Variants in SUGCT observed in about 807,000 individuals in gnomAD.
The protein encoded by SUGCT is succinyl-CoA:glutarate CoA-transferase.
SUGCT carries 41 observed loss-of-function variants against 55.0 expected under a neutral mutation model. The observed-to-expected ratio is 0.74, with a 90% CI of 0.58 to 0.97. SUGCT has a LOEUF of 0.97. Ranked by LOEUF, SUGCT falls within the 50% of genes least tolerant of loss-of-function variation. SUGCT has a pLI of 0.00. For synonymous variants in SUGCT, 187 were observed against 200.4 expected (o/e 0.93, Z 0.56); for missense variants, 568 against 547.8 (o/e 1.04, Z -0.37).
At chr7:40,655,266 CT>C (rs1176403773) in intron 12 of SUGCT, among the ~76,000 whole-genome samples, 1 of 151,708 alleles carries the variant, frequency 6.6e-6, no homozygotes, top group Non-Finnish European at 1.5e-5. Context: ...TGTACTCTAG[CT>C]TGGATTATAG....
intron 8 of SUGCT, among the ~76,000 whole-genome samples, chr7:40,302,294 G>T (rs1794584768): frequency 6.6e-6 from 1 of 151,854 alleles, no homozygotes; most frequent in African/African-American, 2.4e-5. Context: ...CCCCTCCTTG[G>T]TTGACTCCAG....
At position 40,665,311 on chromosome 7, in the gene SUGCT, G is replaced by A. The variant is rs571861751; in HGVS notation, c.1090-84123G>A. Among the ~76,000 whole-genome samples the A allele has an allele frequency of 4.1e-4, 62 of 150,662 alleles. 1 individual carries two copies. Among genetic ancestry groups the A allele is most frequent in the South Asian group, 1.1e-3 (5 of 4,734 alleles). On this transcript the variant is annotated intron_variant, in intron 12 of 13. Transcript: ENST00000335693. ...AAAAGAATTAGCCAAGCATTGTGGCGTGCGCCTGCAATCCCAGCTACTCGG... is the reference window on the plus strand; with the variant it reads ...AAAAGAATTAGCCAAGCATTGTGGCATGCGCCTGCAATCCCAGCTACTCGG...
At chr7:40,687,853 C>T (rs1784534224) in intron 12 of SUGCT, among the ~76,000 whole-genome samples, 1 of 152,170 alleles carries the variant, frequency 6.6e-6, no homozygotes, top group Non-Finnish European at 1.5e-5. Flanking sequence ...CTTCCAGGTT[C>T]TATGAGTGAG....
intron 7 of SUGCT, among the ~76,000 whole-genome samples, chr7:40,251,783 A>T (rs1790426549): frequency 6.6e-6 from 1 of 151,664 alleles, no homozygotes; most frequent in African/African-American, 2.4e-5. Context: ...TCTTCCCCTC[A>T]GTATTGTCTT....
At chr7:40,630,458 G>C (rs1329520529) in intron 12 of SUGCT, among the ~76,000 whole-genome samples, 1 of 152,070 alleles carries the variant, frequency 6.6e-6, no homozygotes, top group African/African-American at 2.4e-5. Flanking sequence ...CCAACAGAAA[G>C]GATAAGCAGA....
Position 40,697,166 on chromosome 7 carries a change from CCT to C in SUGCT, c.1090-52267_1090-52266del, listed in dbSNP as rs147131439. 8.2e-4 allele frequency among the ~76,000 whole-genome samples: 125 copies of C among 152,224 alleles called. No individual in the cohort carries two copies. In the East Asian group the frequency reaches 0.011, roughly 13 times the overall value. ...CAAAATCTTACTTGAAACTCAACTCCCTGTTTAAATCTTCCCCATCTTGCCTA... is the reference window on the plus strand; with the variant it reads ...CAAAATCTTACTTGAAACTCAACTCCGTTTAAATCTTCCCCATCTTGCCTA... On this transcript the variant is annotated intron_variant, in intron 12 of 13. Coordinates refer to ENST00000335693, the MANE Select transcript of SUGCT (RefSeq NM_001193313.2).
At chr7:40,897,464 T>C in the SUGCT span, among the ~76,000 whole-genome samples, 121 of 127,208 alleles carry the variant, frequency 9.5e-4, no homozygotes, top group East Asian at 0.014. Context: ...CACACACACA[T>C]TTGGTATATT....
the SUGCT span, among the ~76,000 whole-genome samples, chr7:41,017,258 GT>G: frequency 6.6e-6 from 1 of 152,016 alleles, no homozygotes; most frequent in African/African-American, 2.4e-5. Context: ...AGGGGCCTGG[GT>G]TATTGGAAAA....
intron 5 of SUGCT, among the ~76,000 whole-genome samples, chr7:40,193,829 G>A (rs1400234409): frequency 2.0e-5 from 3 of 152,062 alleles, no homozygotes; most frequent in African/African-American, 4.8e-5. Context: ...TTGAACTCCT[G>A]ACCTCAAATG....
chr7:40,260,508 G>C (rs1175314675), intron 7 of SUGCT, among the ~76,000 whole-genome samples: 1 of 152,172 alleles, frequency 6.6e-6, no homozygotes, highest in Non-Finnish European at 1.5e-5. Context: ...CTTAAAAGGA[G>C]AGCCTTTCTT....
chr7:40,805,877 A>G (rs189666013), intron 13 of SUGCT, among the ~76,000 whole-genome samples: 6 of 152,320 alleles, frequency 3.9e-5, no homozygotes, highest in African/African-American at 1.2e-4. Flanking sequence ...GACTAAAATC[A>G]TTTGTTTGTG....
At chr7:40,582,744 A>G (rs1343037391) in intron 12 of SUGCT, among the ~76,000 whole-genome samples, 1 of 152,112 alleles carries the variant, frequency 6.6e-6, no homozygotes, top group Admixed American at 6.5e-5. Context: ...TTCCTCATCT[A>G]TACATTAAGG....
In SUGCT at chr7:40,561,943, G is replaced by A. The variant is rs112842838; in HGVS notation, c.1089+65557G>A. Among the ~76,000 whole-genome samples the A allele has an allele frequency of 4.2e-3, 624 of 149,906 alleles. 7 individuals carry two copies. The highest frequency in any genetic ancestry group is 0.014 in the African/African-American group (575 of 41,192). On this transcript the variant is annotated intron_variant, in intron 12 of 13. Transcript: ENST00000335693. ...CTGACCTCCTGATCCACTGGCCTCA[G>A]CCTCCCAAAGTGCTGGAATTACAGG...
At chr7:40,807,213 A>G (rs2128754268) in intron 13 of SUGCT, among the ~76,000 whole-genome samples, 1 of 152,320 alleles carries the variant, frequency 6.6e-6, no homozygotes, top group South Asian at 2.1e-4. Context: ...GAGAACATTT[A>G]TATTATTTTT....
intron 9 of SUGCT, among the ~76,000 whole-genome samples, chr7:40,413,511 A>G (rs1786805342): frequency 6.6e-6 from 1 of 152,214 alleles, no homozygotes; most frequent in African/African-American, 2.4e-5. Flanking sequence ...GAAAACATTT[A>G]TATACTATTT....
intron 12 of SUGCT, among the ~76,000 whole-genome samples, chr7:40,720,163 TAACC>T (rs1390193357): frequency 6.6e-6 from 1 of 152,180 alleles, no homozygotes; most frequent in African/African-American, 2.4e-5. Context: ...GTAAGTCACT[TAACC>T]TCATGTGATT....
intron 9 of SUGCT, among the ~76,000 whole-genome samples, chr7:40,417,472 G>GA (rs1443329754): frequency 6.6e-6 from 1 of 151,636 alleles, no homozygotes; most frequent in East Asian, 1.9e-4. Context: ...GATTATTTAG[G>GA]AAAATATTTA....
At chr7:40,555,213 T>C (rs1449463117) in intron 12 of SUGCT, among the ~76,000 whole-genome samples, 1 of 151,528 alleles carries the variant, frequency 6.6e-6, no homozygotes, top group African/African-American at 2.4e-5. Flanking sequence ...TCAAGAACTC[T>C]GAGAACTTCC....
chr7:40,516,693 A>G (rs1403586981), intron 12 of SUGCT, among the ~76,000 whole-genome samples: 3 of 152,020 alleles, frequency 2.0e-5, no homozygotes, highest in South Asian at 2.1e-4. Context: ...TTATATATCT[A>G]TCCTTTTGCC....
Sources: allele counts gnomAD v4.1 joint callset (sites outside exome capture counted in the v4.1 genomes callset), GRCh38; gene constraint gnomAD v4.1.1; transcripts MANE v1.5; gene names NCBI Gene and HGNC (gene_info 2026-07-23, HGNC 2026-07-21).